Variants in VKORC1L1 observed in about 807,000 individuals in gnomAD.
VKORC1L1 encodes vitamin K epoxide reductase complex subunit 1-like protein 1.
A neutral mutation model predicts 18.9 loss-of-function variants in VKORC1L1; 2 were observed. That is an observed-to-expected ratio of 0.11 (90% CI 0.04 to 0.33). The LOEUF (loss-of-function observed/expected upper bound fraction) is 0.33, where lower values mean the gene tolerates loss of function less well. Ranked by LOEUF, VKORC1L1 falls within the 10% of genes least tolerant of loss-of-function variation. The pLI is 1.00. For synonymous variants in VKORC1L1, 96 were observed against 100.0 expected, an observed-to-expected ratio of 0.96 and a Z score of 0.24; for missense variants, 123 against 224.1, an observed-to-expected ratio of 0.55 and a Z score of 2.88.
At chr7:65,870,488 A>T (rs921733108), upstream of VKORC1L1, among the ~76,000 whole-genome samples, 3 of 152,184 alleles carry the variant, frequency 2.0e-5, no homozygotes, top group Non-Finnish European at 4.4e-5. Flanking sequence ...AAGGTCATTT[A>T]TAGAATGTTG....
Position 65,873,263 on chromosome 7 carries a change from CGGCGGCGGCGGAGGCGGCGGT to C in VKORC1L1, c.-100_-80del, listed in dbSNP as rs1788757608. On this transcript the variant is annotated 5_prime_UTR_variant, in exon 1 of 3. Transcript: ENST00000360768. Reference sequence around the variant, plus strand: ...GCGGCGGCGGCGGCGGCGGTGGTGGCGGCGGCGGCGGAGGCGGCGGTGGCGGCGGTGGCGGCTGGGTCGGGC... The same window carrying C: ...GCGGCGGCGGCGGCGGCGGTGGTGGCGGCGGCGGTGGCGGCTGGGTCGGGC... 1.1e-6 allele frequency: 1 copy of C among 947,462 alleles called. No individual in the cohort carries two copies. The highest frequency in any genetic ancestry group is 1.3e-6 in the Non-Finnish European group (1 of 797,644). 58.7% of individuals were successfully genotyped at this position (947,462 alleles called of 1,614,324 possible). A position where few individuals can be genotyped will look rare whatever the true frequency, so the allele number is the denominator to read the frequency against.
intron 1 of VKORC1L1, among the ~76,000 whole-genome samples, chr7:65,894,538 C>G (rs903794153): frequency 6.6e-6 from 1 of 151,298 alleles, no homozygotes; most frequent in Non-Finnish European, 1.5e-5. Flanking sequence ...ACCATCCTGG[C>G]TAACACGGTG....
At chr7:65,952,663 T>C (rs1790230303) in intron 2 of VKORC1L1, among the ~76,000 whole-genome samples, 1 of 152,090 alleles carries the variant, frequency 6.6e-6, no homozygotes, top group South Asian at 2.1e-4. Flanking sequence ...TTTAACATGC[T>C]CTGCCTTCTC....
chr7:65,927,087 G>A (rs1005357779), intron 1 of VKORC1L1, among the ~76,000 whole-genome samples: 1 of 152,098 alleles, frequency 6.6e-6, no homozygotes, highest in East Asian at 1.9e-4. Context: ...AGGAGTTCAA[G>A]ACCAGCCTGG....
At chr7:65,917,724 A>T (rs1789611602) in intron 1 of VKORC1L1, among the ~76,000 whole-genome samples, 2 of 152,174 alleles carry the variant, frequency 1.3e-5, no homozygotes, top group African/African-American at 2.4e-5. Context: ...ATCACTAAAA[A>T]CTTTCTCCTA....
intron 1 of VKORC1L1, among the ~76,000 whole-genome samples, chr7:65,883,750 G>A (rs1446494013): frequency 2.6e-5 from 4 of 151,900 alleles, no homozygotes; most frequent in Admixed American, 6.6e-5. Context: ...TGCCCGCCTC[G>A]GCCTCCCAAA....
chr7:65,901,445 C>T (rs181252572), intron 1 of VKORC1L1, among the ~76,000 whole-genome samples: 1 of 152,202 alleles, frequency 6.6e-6, no homozygotes, highest in South Asian at 2.1e-4. Context: ...ATAACAAGGA[C>T]TGGGTTTACC....
intron 1 of VKORC1L1, among the ~76,000 whole-genome samples, chr7:65,923,383 C>T (rs973617200): frequency 1.3e-5 from 2 of 149,992 alleles, no homozygotes; most frequent in South Asian, 2.1e-4. Flanking sequence ...CCAGCCTAGG[C>T]GATAGAGACC....
In VKORC1L1 at chr7:65,873,080, C is replaced by T. The variant is rs1242373497; in HGVS notation, c.-292C>T. Among the ~76,000 whole-genome samples the T allele has an allele frequency of 6.8e-6, 1 of 147,984 alleles. No homozygotes were observed. The highest frequency in any genetic ancestry group is 2.5e-5 in the African/African-American group (1 of 40,734). ...CGCAGCGCCACGCCGCCTCAGTCTC[C>T]GCCCGCCGATCCGGCCTCTTCGGCC... On this transcript the variant is annotated 5_prime_UTR_variant, in exon 1 of 3. Transcript: ENST00000360768.
chr7:65,902,743 A>T (rs1789339280), intron 1 of VKORC1L1, among the ~76,000 whole-genome samples: 1 of 152,198 alleles, frequency 6.6e-6, no homozygotes, highest in African/African-American at 2.4e-5. Context: ...TCTTGAAAGC[A>T]GGCAGAGAAA....
chr7:65,939,548 T>C (rs1049271840), intron 1 of VKORC1L1, among the ~76,000 whole-genome samples: 2 of 152,204 alleles, frequency 1.3e-5, no homozygotes, highest in Admixed American at 6.5e-5. Flanking sequence ...GAAAAAACTT[T>C]GGAGGCAGAA....
intron 1 of VKORC1L1, among the ~76,000 whole-genome samples, chr7:65,900,008 A>C (rs183292358): frequency 4.0e-5 from 6 of 148,672 alleles, no homozygotes; most frequent in Admixed American, 3.4e-4. Flanking sequence ...CACACACACA[A>C]AAATAGCTTT....
chr7:65,869,653 T>TC (rs1414197892), upstream of VKORC1L1, among the ~76,000 whole-genome samples: 2 of 145,400 alleles, frequency 1.4e-5, no homozygotes, highest in African/African-American at 5.1e-5. Flanking sequence ...TTTTTTTTTT[T>TC]TTTTTTTTTT....
At chr7:65,898,077 GTTTTTTTTTTTTTTTTT>G (rs71051319) in intron 1 of VKORC1L1, among the ~76,000 whole-genome samples, 3 of 83,000 alleles carry the variant, frequency 3.6e-5, no homozygotes, top group East Asian at 4.1e-4. Context: ...TTTGTAGCAG[GTTTTTTTTTTTTTTTTT>G]TTTTTTTTTT....
At chr7:65,924,552 G>A in intron 1 of VKORC1L1, among the ~76,000 whole-genome samples, 1 of 152,164 alleles carries the variant, frequency 6.6e-6, no homozygotes, top group East Asian at 1.9e-4. Context: ...AATGTAAATG[G>A]CTGTTTTCTG....
intron 1 of VKORC1L1, among the ~76,000 whole-genome samples, chr7:65,945,568 C>T (rs1186775847): frequency 5.3e-5 from 8 of 151,852 alleles, no homozygotes; most frequent in Admixed American, 3.3e-4. Flanking sequence ...GCCGAGATCG[C>T]GCCACTGCAC....
At chr7:65,915,481 C>T (rs997330781) in intron 1 of VKORC1L1, among the ~76,000 whole-genome samples, 2 of 144,716 alleles carry the variant, frequency 1.4e-5, no homozygotes, top group Admixed American at 6.9e-5. Context: ...TGCGATCTCT[C>T]CTCACTGCAA....
At position 65,939,203 on chromosome 7, in the gene VKORC1L1, G is replaced by A. The variant is rs531565199; in HGVS notation, c.195-9468G>A. Among the ~76,000 whole-genome samples the A allele has an allele frequency of 3.7e-4, 57 of 152,344 alleles. No individual in the cohort carries two copies. The East Asian group carries it at 7.1e-3, about 19-fold the overall frequency. ...TATAACCTTTGATGACCACGACTCC[G>A]TGGATAAGATTGTCATTCAGAAATA... On this transcript the variant is annotated intron_variant, in intron 1 of 2. Transcript: ENST00000360768.
intron 1 of VKORC1L1, among the ~76,000 whole-genome samples, chr7:65,931,672 C>T (rs910410976): frequency 7.9e-5 from 12 of 152,106 alleles, no homozygotes; most frequent in African/African-American, 2.7e-4. Context: ...GATGCAGTCT[C>T]GCTCTGTGTC....
Sources: allele counts gnomAD v4.1 joint callset (sites outside exome capture counted in the v4.1 genomes callset), GRCh38; gene constraint gnomAD v4.1.1; transcripts MANE v1.5; gene names NCBI Gene and HGNC (gene_info 2026-07-23, HGNC 2026-07-21).